MOB3A: variants seen among roughly 807,000 people sequenced by gnomAD.
MOB3A encodes MOB LAK.
Under a neutral mutation model 17.8 loss-of-function variants are expected in MOB3A, and 17 were observed. The ratio of observed to expected loss-of-function variants is 0.95; its 90% CI spans 0.65 to 1.43. The LOEUF is 1.43. Ranked by LOEUF, MOB3A falls within the 40% of genes most tolerant of loss-of-function variation. MOB3A has a pLI of 0.00. For synonymous variants in MOB3A, 124 were observed against 133.2 expected (o/e 0.93, Z 0.48); for missense variants, 333 against 310.8 (o/e 1.07, Z -0.54).
chr19:2,072,995 C>G lies in MOB3A; in HGVS notation c.*400G>C, dbSNP rs1423252333. ...CCTTGAGAGACAGGCCCAGGCAGGG[C>G]TGTGGCCACAGCAGCCCTGGGGGCT... On this transcript the variant is annotated 3_prime_UTR_variant, in exon 5 of 5. Transcript: ENST00000357066. The G allele has an allele frequency of 1.7e-5, 4 of 231,112 alleles. No individual in the cohort carries two copies. The highest frequency in any genetic ancestry group is 1.1e-4 in the Admixed American group (2 of 18,682). The allele number at this position is 231,112 out of a possible 1,614,324, so 14.3% of individuals were successfully genotyped here. A position where few individuals can be genotyped will look rare whatever the true frequency, so the allele number is the denominator to read the frequency against.
rs34147715 is a variant in MOB3A at position 2,078,229 on chromosome 19, G to A, written c.332C>T (p.Thr111Met). 3.0e-4 allele frequency: 486 copies of A among 1,613,758 alleles called. 3 individuals carry two copies. In the African/African-American group the frequency reaches 5.8e-3, roughly 19 times the overall value. Residue 111 changes from threonine to methionine, a missense_variant, in exon 3 of 5, where the codon ACG (threonine) becomes ATG (methionine). By Grantham distance (81) the Thr-to-Met change is moderately conservative. Transcript: ENST00000357066. ...CATGTACCTGGGCGCGGAGAGTGCC[G>A]TGGGCTTCCGGAACTTATGCTCATC... ...WQDEHKFRKP[T>M]ALSAPRYMDL...
intron 2 of MOB3A, among the ~76,000 whole-genome samples, chr19:2,080,874 A>G (rs1015477427): frequency 3.9e-5 from 6 of 152,174 alleles, no homozygotes; most frequent in African/African-American, 1.4e-4. Flanking sequence ...GGCCGGGTGC[A>G]GTGGTTCACA....
chr19:2,083,148 C>A (rs2017510692), intron 2 of MOB3A, among the ~76,000 whole-genome samples: 1 of 152,142 alleles, frequency 6.6e-6, no homozygotes, highest in Non-Finnish European at 1.5e-5. Context: ...TGCCTGGCCA[C>A]CCCTGCCTGC....
In MOB3A at chr19:2,078,313, C is replaced by T. The variant is rs1199454228; in HGVS notation, c.248G>A (p.Cys83Tyr). The T allele has an allele frequency of 1.2e-6, 2 of 1,614,186 alleles. No homozygotes were observed. The highest frequency in any genetic ancestry group is 2.2e-5 in the East Asian group (1 of 44,878). Residue 83 changes from cysteine to tyrosine, a missense_variant, in exon 3 of 5, where the codon TGC becomes TAC. Coordinates refer to ENST00000357066, the MANE Select transcript of MOB3A (RefSeq NM_130807.3). ...NLIYGTISDG[C>Y]TEQSCPVMSG... is the part of the protein sequence containing the mutation. ...CATGACGGGGCAGGACTGCTCCGTG[C>T]AGCCGTCGCTGATGGTGCCGTAGAT...
Position 2,082,999 on chromosome 19 carries a change from A to C in MOB3A, c.-120+2176T>G, listed in dbSNP as rs2017508033. 7.8e-6 allele frequency among the ~76,000 whole-genome samples: 1 copy of C among 127,696 alleles called. No individual in the cohort carries two copies. Among genetic ancestry groups the C allele is most frequent in the East Asian group, 2.0e-4 (1 of 4,990 alleles). 83.8% of individuals were successfully genotyped at this position (127,696 alleles called of 152,430 possible). On this transcript the variant is annotated intron_variant, in intron 2 of 4. Transcript: ENST00000357066. The surrounding 1 kb of genome is among the most constrained non-coding windows in gnomAD (Gnocchi z 4.1). ...TTTTATAATTTTTTCACCACCAGTT[A>C]ATTTTTTGTTGTTGTTGTTGTATTT...
chr19:2,084,717 A>C (rs545014949), intron 2 of MOB3A, among the ~76,000 whole-genome samples: 2 of 151,746 alleles, frequency 1.3e-5, no homozygotes, highest in East Asian at 3.9e-4. Flanking sequence ...CAGCCTCCTG[A>C]GTAGCTGGGA....
At chr19:2,083,749 G>A (rs766172045) in intron 2 of MOB3A, among the ~76,000 whole-genome samples, 3 of 152,204 alleles carry the variant, frequency 2.0e-5, no homozygotes, top group Non-Finnish European at 4.4e-5. Context: ...TGGTGCTGCC[G>A]TTTGTTGATT....
chr19:2,087,971 G>A (rs74628100), intron 1 of MOB3A, among the ~76,000 whole-genome samples: 1,726 of 152,300 alleles, frequency 0.011, 28 homozygotes, highest in African/African-American at 0.04. Flanking sequence ...CTCTGAGCCC[G>A]CCCAGTGGGA....
At chr19:2,084,630 G>T (rs908181289) in intron 2 of MOB3A, among the ~76,000 whole-genome samples, 2 of 150,804 alleles carry the variant, frequency 1.3e-5, no homozygotes, top group African/African-American at 4.9e-5. Flanking sequence ...TTACTCTGTC[G>T]CCCAGGCTGG....
chr19:2,086,910 G>A (rs187857316), intron 1 of MOB3A, among the ~76,000 whole-genome samples: 4 of 152,246 alleles, frequency 2.6e-5, no homozygotes, highest in African/African-American at 4.8e-5. Context: ...TCCCACCTCA[G>A]CCTCTTGAGT....
intron 2 of MOB3A, among the ~76,000 whole-genome samples, chr19:2,079,180 A>G (rs551409435): frequency 6.6e-6 from 1 of 152,258 alleles, no homozygotes; most frequent in Non-Finnish European, 1.5e-5. Context: ...GAAGGTGCGC[A>G]GAGCCGGGCC....
intron 3 of MOB3A, 63 bp from the exon 4 acceptor site, chr19:2,077,076 C>T (rs2145719766): frequency 1.4e-6 from 2 of 1,443,160 alleles, no homozygotes; most frequent in Non-Finnish European, 9.6e-7. Flanking sequence ...GAACCCTTTG[C>T]TCCTGGATGT....
rs141779492 is a variant in MOB3A, at chr19:2,078,216, C to T, written c.345G>A (p.Ala115=). ...CCATCAGCAGGTCCATGTACCTGGG[C>T]GCGGAGAGTGCCGTGGGCTTCCGGA... is the stretch of plus-strand genomic sequence containing the variant. The part of the protein sequence containing the change: ...HKFRKPTALS[A]PRYMDLLMDW... Residue 115 remains alanine, a synonymous_variant, in exon 3 of 5, where the codon GCG becomes GCA. Coordinates refer to ENST00000357066, the MANE Select transcript of MOB3A (RefSeq NM_130807.3). 14 of 1,613,100 alleles carry T rather than the reference C, an allele frequency of 8.7e-6. No homozygotes were observed. Among genetic ancestry groups the T allele is most frequent in the Middle Eastern group, 1.6e-4 (1 of 6,080 alleles).
intron 4 of MOB3A, among the ~76,000 whole-genome samples, chr19:2,076,212 T>C (rs961736964): frequency 6.8e-6 from 1 of 147,594 alleles, no homozygotes; most frequent in African/African-American, 2.5e-5. Context: ...GCAAACCACA[T>C]GGTCAGGAGA....
At chr19:2,090,255 C>G (rs894231803) in intron 1 of MOB3A, 1 of 152,286 alleles carries the variant, frequency 6.6e-6, no homozygotes, top group Non-Finnish European at 1.5e-5. Flanking sequence ...TCCCTTTGTC[C>G]CCGGTGGGAA....
chr19:2,080,120 G>A (rs552065424), intron 2 of MOB3A, among the ~76,000 whole-genome samples: 1 of 152,352 alleles, frequency 6.6e-6, no homozygotes, highest in African/African-American at 2.4e-5. Context: ...CAGGCCCAGA[G>A]TGGATGCAGA....
In MOB3A at chr19:2,076,759, C is replaced by T. The variant is rs953911936; in HGVS notation, c.624+52G>A. The T allele has an allele frequency of 7.0e-6, 11 of 1,576,184 alleles. No individual in the cohort carries two copies. In the African/African-American group the frequency reaches 1.3e-4, roughly 19 times the overall value. On this transcript the variant is annotated intron_variant, in intron 4 of 4. Transcript: ENST00000357066. The stretch of plus-strand genomic sequence containing the variant: ...TGGCCCCGGAAGGGTTCCTCTGCCA[C>T]GGGCCACCAGCCCCACCGTAACCGC...
At chr19:2,079,431 C>T (rs1321696125) in intron 2 of MOB3A, among the ~76,000 whole-genome samples, 2 of 152,214 alleles carry the variant, frequency 1.3e-5, no homozygotes, top group Non-Finnish European at 2.9e-5. Flanking sequence ...CTTGGGTGGC[C>T]CCACAGTCAG....
chr19:2,076,221 G>A (rs996999413), intron 4 of MOB3A, among the ~76,000 whole-genome samples: 4 of 150,740 alleles, frequency 2.7e-5, no homozygotes, highest in African/African-American at 9.8e-5. Flanking sequence ...ATGGTCAGGA[G>A]ATCCATCGAG....
Sources: allele counts gnomAD v4.1 joint callset (sites outside exome capture counted in the v4.1 genomes callset), GRCh38; gene constraint gnomAD v4.1.1; non-coding constraint Gnocchi (gnomAD v3.1); transcripts MANE v1.5; gene names NCBI Gene and HGNC (gene_info 2026-07-23, HGNC 2026-07-21).